RANBP3L: variants seen among roughly 807,000 people sequenced by gnomAD.
RANBP3L encodes ran-binding protein 3-like.
RANBP3L carries 56 observed loss-of-function variants against 67.2 expected under a neutral mutation model. The observed-to-expected ratio is 0.83, with a 90% confidence interval of 0.67 to 1.04. The LOEUF is 1.04. Among genes scored for constraint, RANBP3L ranks in the 50% least tolerant of loss-of-function variants. The pLI is 0.00. For synonymous variants in RANBP3L, 164 were observed against 181.4 expected (o/e 0.90, Z 0.77); for missense variants, 496 against 535.5 (o/e 0.93, Z 0.73).
In RANBP3L at chr5:36,255,536, C is replaced by G; in HGVS notation, c.958G>C (p.Gly320Arg). 1 of 1,611,662 alleles carries G rather than the reference C, an allele frequency of 6.2e-7. No homozygotes were observed. The highest frequency in any genetic ancestry group is 8.5e-7 in the Non-Finnish European group (1 of 1,178,152). The change falls in exon 11 of 14, where the codon GGC (glycine) becomes CGC (arginine). Residue 320 changes from glycine (G) to arginine (R), a missense_variant. Coordinates refer to ENST00000296604, the MANE Select transcript of RANBP3L (RefSeq NM_145000.5). ...NKTTQSWIER[G>R]RGTLRLNDTA... is the part of the protein sequence containing the mutation. ...TCATTCAGTCTCAACGTTCCTCTGC[C>G]CCTTTCAATCCAGGATTGTGTTGTT...
At chr5:36,259,768 A>T (rs1323935548) in intron 8 of RANBP3L, among the ~76,000 whole-genome samples, 1 of 152,072 alleles carries the variant, frequency 6.6e-6, no homozygotes, top group Non-Finnish European at 1.5e-5. Context: ...TGAAAGCTGG[A>T]AAAGGTATGA....
rs1234449788 is a variant in RANBP3L at position 36,249,507 on chromosome 5, G to T, written c.*147C>A. The T allele has an allele frequency of 6.8e-6, 3 of 443,528 alleles. No individual in the cohort carries two copies. The highest frequency in any genetic ancestry group is 6.8e-5 in the East Asian group (2 of 29,228). 27.5% of individuals were successfully genotyped at this position (443,528 alleles called of 1,614,324 possible). On this transcript the variant is annotated 3_prime_UTR_variant, in exon 14 of 14. Transcript: ENST00000296604. ...AATGTAAAATGTAAAACATAAAAAT[G>T]TTAATTGCAACAAATTACATTTCTT...
chr5:36,258,110 A>G lies in RANBP3L; in HGVS notation c.670-554T>C, dbSNP rs74941746. On this transcript the variant is annotated intron_variant, in intron 8 of 13. Transcript: ENST00000296604. ...AAAAAAGTTATCCAGAGACCCCCACAAGATGTCTCAGAGAACATCTTTTTA... is the reference window on the plus strand; with the variant it reads ...AAAAAAGTTATCCAGAGACCCCCACGAGATGTCTCAGAGAACATCTTTTTA... Among the ~76,000 whole-genome samples the G allele has an allele frequency of 0.012, 1,835 of 152,240 alleles. 147 individuals are homozygous for G. The East Asian group carries it at 0.22, about 18-fold the overall frequency.
chr5:36,296,615 A>G (rs1351442767), intron 1 of RANBP3L, among the ~76,000 whole-genome samples: 1 of 152,192 alleles, frequency 6.6e-6, no homozygotes, highest in Non-Finnish European at 1.5e-5. Flanking sequence ...TTGACCTTGA[A>G]GATTCACGGT....
At chr5:36,279,194 A>G (rs1373800488) in intron 1 of RANBP3L, among the ~76,000 whole-genome samples, 2 of 152,096 alleles carry the variant, frequency 1.3e-5, no homozygotes, top group Admixed American at 1.3e-4. Flanking sequence ...AAAAAACCCA[A>G]CCTATGTTGA....
At chr5:36,259,088 C>T (rs1749190106) in intron 8 of RANBP3L, among the ~76,000 whole-genome samples, 1 of 152,188 alleles carries the variant, frequency 6.6e-6, no homozygotes, top group Non-Finnish European at 1.5e-5. Flanking sequence ...TGGTGTCAAA[C>T]TTAGAAATAA....
Position 36,247,922 on chromosome 5 carries a change from T to C in RANBP3L, c.*1732A>G, listed in dbSNP as rs556942614. Among the ~76,000 whole-genome samples the C allele has an allele frequency of 6.6e-6, 1 of 152,258 alleles. No individual in the cohort carries two copies. Among genetic ancestry groups the C allele is most frequent in the Non-Finnish European group, 1.5e-5 (1 of 68,004 alleles). ...CAAAATAAATAAATGAAGTTATTTG[T>C]TCTCTTCTTCACTTTAGCAATTTAT... On this transcript the variant is annotated 3_prime_UTR_variant, in exon 14 of 14. Transcript: ENST00000296604.
At chr5:36,263,925 G>A (rs939474905) in intron 6 of RANBP3L, among the ~76,000 whole-genome samples, 1 of 152,144 alleles carries the variant, frequency 6.6e-6, no homozygotes, top group Non-Finnish European at 1.5e-5. Context: ...TAAAATTGAA[G>A]ACATGTTTTA....
intron 11 of RANBP3L, among the ~76,000 whole-genome samples, chr5:36,254,959 A>G (rs1748865494): frequency 6.6e-6 from 1 of 152,128 alleles, no homozygotes; most frequent in Non-Finnish European, 1.5e-5. Context: ...CTCTTTCCTT[A>G]GAGACTAATC....
Position 36,301,320 on chromosome 5 carries a change from A to T in RANBP3L, c.91+6T>A, listed in dbSNP as rs1215818472. 1 of 1,607,282 alleles carries T rather than the reference A, an allele frequency of 6.2e-7. No homozygotes were observed. The highest frequency in any genetic ancestry group is 1.1e-5 in the South Asian group (1 of 90,900). Reference sequence around the variant, plus strand: ...AATATGCAACTCATGAGCTGGACGGACTCACCTTGCTGTCGCCGGTCCTCC... The same window carrying T: ...AATATGCAACTCATGAGCTGGACGGTCTCACCTTGCTGTCGCCGGTCCTCC... On this transcript the variant is annotated splice_donor_region_variant and intron_variant, in intron 1 of 13. Coordinates refer to ENST00000296604, the MANE Select transcript of RANBP3L (RefSeq NM_145000.5).
chr5:36,299,440 G>A (rs1365462760), intron 1 of RANBP3L, among the ~76,000 whole-genome samples: 1 of 151,712 alleles, frequency 6.6e-6, no homozygotes, highest in African/African-American at 2.4e-5. Flanking sequence ...CTTCAGGATA[G>A]CCTGGCTTAA....
Position 36,249,549 on chromosome 5 carries a change from A to G in RANBP3L, c.*105T>C, listed in dbSNP as rs780883642. 2.1e-5 allele frequency: 11 copies of G among 521,230 alleles called. No individual in the cohort carries two copies. The highest frequency in any genetic ancestry group is 1.2e-4 in the Admixed American group (4 of 32,680). 32.3% of individuals were successfully genotyped at this position (521,230 alleles called of 1,614,324 possible). On this transcript the variant is annotated 3_prime_UTR_variant, in exon 14 of 14. Transcript: ENST00000296604. Reference sequence around the variant, plus strand: ...ACATTTCTTAAACTTTTCTATAAAAACTCTTCAAGGAATGAATAGAATCTT... The same window carrying G: ...ACATTTCTTAAACTTTTCTATAAAAGCTCTTCAAGGAATGAATAGAATCTT...
chr5:36,270,714 C>T lies in RANBP3L; in HGVS notation c.150+539G>A, dbSNP rs572193536. 1.4e-3 allele frequency among the ~76,000 whole-genome samples: 215 copies of T among 152,180 alleles called. 1 individual carries two copies. The highest frequency in any genetic ancestry group is 2.6e-3 in the Non-Finnish European group (177 of 68,002). On this transcript the variant is annotated intron_variant, in intron 2 of 13. Transcript: ENST00000296604. ...GGTCTTGCTTTATTGATCAGGCTGG[C>T]CTCGAACCCCAGGCTTCAAACAGTC...
chr5:36,289,676 C>T (rs143134803), intron 1 of RANBP3L, among the ~76,000 whole-genome samples: 53 of 152,142 alleles, frequency 3.5e-4, no homozygotes, highest in African/African-American at 1.3e-3. Context: ...TTAATTTCCA[C>T]TTGTTGTCAG....
chr5:36,296,487 A>G (rs1752225053), intron 1 of RANBP3L, among the ~76,000 whole-genome samples: 1 of 152,170 alleles, frequency 6.6e-6, no homozygotes. Flanking sequence ...GTATAGATCA[A>G]TTTAAAAAAA....
At chr5:36,256,905 A>G (rs1485520228) in intron 10 of RANBP3L, 36 bp downstream of exon 10, 13 of 1,573,310 alleles carry the variant, frequency 8.3e-6, no homozygotes, top group Non-Finnish European at 1.1e-5. Flanking sequence ...CAAGTATGTA[A>G]ATGCTACCAG....
At chr5:36,286,871 C>T (rs1751361652) in intron 1 of RANBP3L, among the ~76,000 whole-genome samples, 1 of 152,100 alleles carries the variant, frequency 6.6e-6, no homozygotes, top group South Asian at 2.1e-4. Flanking sequence ...TCAAATTCAC[C>T]TTCTTAATGA....
At chr5:36,255,343 T>G (rs1748892054) in intron 11 of RANBP3L, 127 bp downstream of exon 11, 8 of 895,756 alleles carry the variant, frequency 8.9e-6, no homozygotes, top group Middle Eastern at 2.4e-4. Context: ...TAGAAATATT[T>G]TCAACAGTCT....
At chr5:36,299,907 G>C (rs151286982) in intron 1 of RANBP3L, among the ~76,000 whole-genome samples, 1 of 152,278 alleles carries the variant, frequency 6.6e-6, no homozygotes, top group African/African-American at 2.4e-5. Flanking sequence ...AGTCTATATT[G>C]TTTAAAAAGC....
Sources: gnomAD v4.1 joint callset for allele counts (sites outside exome capture counted in the v4.1 genomes callset) on GRCh38, gnomAD v4.1.1 for gene constraint, MANE v1.5 for transcripts, NCBI Gene and HGNC (gene_info 2026-07-23, HGNC 2026-07-21) for gene names.